Variants in ARHGAP35 observed in about 807,000 individuals in gnomAD.
ARHGAP35 encodes the protein rho GTPase-activating protein 35.
In ARHGAP35, 15 loss-of-function variants were observed where a neutral mutation model predicts 111.1. The ratio of observed to expected loss-of-function variants is 0.13; its 90% CI spans 0.09 to 0.21. The LOEUF (loss-of-function observed/expected upper bound fraction) is 0.21. Ranked by LOEUF, ARHGAP35 falls within the 10% of genes least tolerant of loss-of-function variation. The pLI, the probability that ARHGAP35 is intolerant of heterozygous loss-of-function variation, is 1.00. For missense variants in ARHGAP35, 1,262 were observed against 1,873.0 expected (o/e 0.67, Z 6.02); for synonymous variants, 643 against 710.3 (o/e 0.91, Z 1.51).
At chr19:46,950,650 T>G (rs2056406782) in intron 3 of ARHGAP35, among the ~76,000 whole-genome samples, 1 of 152,192 alleles carries the variant, frequency 6.6e-6, no homozygotes, top group Non-Finnish European at 1.5e-5. Context: ...AGGGTGAGTG[T>G]GGGTTCCCCA....
intron 1 of ARHGAP35, among the ~76,000 whole-genome samples, chr19:46,913,342 A>G (rs1053350430): frequency 6.6e-6 from 1 of 151,774 alleles, no homozygotes; most frequent in Non-Finnish European, 1.5e-5. Flanking sequence ...GACAGTATGA[A>G]CTTTCCCAGT....
At chr19:46,940,489 C>T (rs1304241780) in intron 3 of ARHGAP35, among the ~76,000 whole-genome samples, 1 of 151,860 alleles carries the variant, frequency 6.6e-6, no homozygotes. Context: ...GATCACGCCA[C>T]TGCACTCCAG....
intron 3 of ARHGAP35, among the ~76,000 whole-genome samples, chr19:46,962,148 C>T (rs963290543): frequency 5.9e-5 from 9 of 152,126 alleles, no homozygotes; most frequent in South Asian, 4.1e-4. Flanking sequence ...AATCCATCAC[C>T]GTACACTTCT....
At chr19:46,961,974 GAGAA>G (rs1229202646) in intron 3 of ARHGAP35, among the ~76,000 whole-genome samples, 2 of 151,736 alleles carry the variant, frequency 1.3e-5, no homozygotes, top group East Asian at 3.9e-4. Context: ...AAGAGAAAGA[GAGAA>G]AGGAAGGAAG....
At chr19:46,904,734 G>C (rs879705962) in intron 1 of ARHGAP35, among the ~76,000 whole-genome samples, 2 of 152,184 alleles carry the variant, frequency 1.3e-5, no homozygotes, top group Admixed American at 1.3e-4. Context: ...CAGAGGTGGC[G>C]GGGGAGAGGG....
In ARHGAP35 at chr19:46,986,013, G is replaced by A. The variant is rs1316479762; in HGVS notation, c.3827-1976G>A. On this transcript the variant is annotated intron_variant, in intron 3 of 6. Coordinates refer to ENST00000672722, the MANE Select transcript of ARHGAP35 (RefSeq NM_004491.5). The surrounding 1 kb of genome is among the most constrained non-coding windows in gnomAD (Gnocchi z 4.3). ...GGAAGCCTGACTGACTCCAGGGCCC[G>A]GTGCTCTCTACTGTCGGCACTGTTT... Among the ~76,000 whole-genome samples the A allele has an allele frequency of 2.6e-5, 4 of 152,118 alleles. No individual in the cohort carries two copies. The highest frequency in any genetic ancestry group is 4.4e-5 in the Non-Finnish European group (3 of 68,030).
chr19:46,910,219 C>A (rs1454612092), intron 1 of ARHGAP35, among the ~76,000 whole-genome samples: 1 of 152,076 alleles, frequency 6.6e-6, no homozygotes, highest in Non-Finnish European at 1.5e-5. Context: ...CTCAAGCGAT[C>A]CTCCTGCCTC....
rs540506292 is a variant in ARHGAP35 at position 46,926,056 on chromosome 19, C to T, written c.3681+3700C>T. 2.6e-5 allele frequency among the ~76,000 whole-genome samples: 4 copies of T among 152,312 alleles called. No homozygotes were observed. In the East Asian group the frequency reaches 7.7e-4, roughly 29 times the overall value. On this transcript the variant is annotated intron_variant, in intron 2 of 6. Transcript: ENST00000672722. This position sits in a 1 kb window ranked among gnomAD's most constrained non-coding sequence, Gnocchi z 4.1. ...TTGGAAGTTTTAACCTCATGCATTA[C>T]TGAGCTGCTTTCTTGGTACTTACCC... is the stretch of plus-strand genomic sequence containing the variant.
rs772278775 is a variant in ARHGAP35, at chr19:46,920,901, C to T, written c.2226C>T (p.Tyr742=). The part of the protein sequence containing the change: ...FLDPASAGIG[Y]GRNINEKQIS... ...ACCCTGCTTCTGCTGGCATTGGTTACGGACGCAACATTAATGAAAAGCAAA... is the reference window on the plus strand; with the variant it reads ...ACCCTGCTTCTGCTGGCATTGGTTATGGACGCAACATTAATGAAAAGCAAA... The change falls in exon 2 of 7, where the codon TAC becomes TAT. Residue 742 remains tyrosine, a synonymous_variant. Coordinates refer to ENST00000672722, the MANE Select transcript of ARHGAP35 (RefSeq NM_004491.5). The surrounding 1 kb of genome is among the most constrained non-coding windows in gnomAD (Gnocchi z 7.0). 1.1e-5 allele frequency: 18 copies of T among 1,613,744 alleles called. No individual in the cohort carries two copies. The highest frequency in any genetic ancestry group is 1.1e-4 in the East Asian group (5 of 44,888).
intron 3 of ARHGAP35, among the ~76,000 whole-genome samples, chr19:46,950,045 C>G (rs1397368863): frequency 6.6e-6 from 1 of 152,210 alleles, no homozygotes; most frequent in African/African-American, 2.4e-5. Context: ...ACGGCCACCC[C>G]CAAAGGCCCC....
intron 1 of ARHGAP35, among the ~76,000 whole-genome samples, chr19:46,863,827 C>A (rs1032817539): frequency 1.3e-5 from 2 of 152,172 alleles, no homozygotes; most frequent in African/African-American, 4.8e-5. Context: ...TGCAGTGTGA[C>A]CTTGTGGGAG....
At chr19:46,876,758 C>T (rs547440269) in intron 1 of ARHGAP35, among the ~76,000 whole-genome samples, 49 of 152,262 alleles carry the variant, frequency 3.2e-4, no homozygotes, top group African/African-American at 1.2e-3. Flanking sequence ...CCTTTTCAGC[C>T]TCCCAAAGTG....
chr19:46,975,603 C>A (rs2122303980), intron 3 of ARHGAP35, among the ~76,000 whole-genome samples: 1 of 151,200 alleles, frequency 6.6e-6, no homozygotes, highest in East Asian at 1.9e-4. Context: ...AAACAGAAAT[C>A]CCCAAGTCCT....
rs943655710 is a variant in ARHGAP35 at position 46,921,444 on chromosome 19, C to T, written c.2769C>T (p.Pro923=). 7.4e-6 allele frequency: 12 copies of T among 1,613,822 alleles called. No individual in the cohort carries two copies. In the African/African-American group the frequency reaches 1.6e-4, roughly 22 times the overall value. The part of the protein sequence containing the change: ...QEIDGRFTSI[P]CSQPQHKLEI... ...TTGACGGAAGGTTCACAAGCATCCCCTGTAGCCAACCCCAGCATAAACTTG... is the reference window on the plus strand; with the variant it reads ...TTGACGGAAGGTTCACAAGCATCCCTTGTAGCCAACCCCAGCATAAACTTG... Residue 923 remains proline (P), a synonymous_variant, in exon 2 of 7, where the codon CCC becomes CCT. Transcript: ENST00000672722. This position sits in a 1 kb window ranked among gnomAD's most constrained non-coding sequence, Gnocchi z 4.3.
chr19:46,920,722 G>C lies in ARHGAP35; in HGVS notation c.2047G>C (p.Glu683Gln). 1 of 1,613,668 alleles carries C rather than the reference G, an allele frequency of 6.2e-7. No homozygotes were observed. The highest frequency in any genetic ancestry group is 8.5e-7 in the Non-Finnish European group (1 of 1,179,760). The change falls in exon 2 of 7, where the codon GAG becomes CAG. Residue 683 changes from glutamate (E) to glutamine (Q), a missense_variant. Glu to Gln is a conservative substitution (Grantham distance 29, BLOSUM62 2). Coordinates refer to ENST00000672722, the MANE Select transcript of ARHGAP35 (RefSeq NM_004491.5). This position sits in a 1 kb window ranked among gnomAD's most constrained non-coding sequence, Gnocchi z 7.0. ...AGTGGAAAGTATAGAGAAGAGTAGA[G>C]AGTCCACGCTGGGCCGGCGGGATAA... Reference protein sequence around the residue: ...YVVESIEKSRESTLGRRDNHL... With the variant: ...YVVESIEKSRQSTLGRRDNHL...
rs371281716 is a variant in ARHGAP35 at position 46,932,998 on chromosome 19, G to A, written c.3682-4266G>A. 1.4e-3 allele frequency among the ~76,000 whole-genome samples: 214 copies of A among 152,220 alleles called. 1 individual carries two copies. The highest frequency in any genetic ancestry group is 4.9e-3 in the African/African-American group (204 of 41,522). On this transcript the variant is annotated intron_variant, in intron 2 of 6. Transcript: ENST00000672722. ...TCTATAGTCAATAGGTAGCTCTATA[G>A]CTATTTGAAAATAGCTATCAGAGTG...
At chr19:46,887,842 G>A (rs781668702) in intron 1 of ARHGAP35, among the ~76,000 whole-genome samples, 2 of 152,046 alleles carry the variant, frequency 1.3e-5, no homozygotes, top group Admixed American at 6.6e-5. Flanking sequence ...TAGGTCTCTG[G>A]CTTAGATTTT....
intron 3 of ARHGAP35, among the ~76,000 whole-genome samples, chr19:46,940,734 C>G (rs575430622): frequency 1.3e-5 from 2 of 151,874 alleles, no homozygotes; most frequent in African/African-American, 4.8e-5. Flanking sequence ...GCATTACAGG[C>G]GTGAGCCACT....
At chr19:46,891,671 C>T (rs893374016) in intron 1 of ARHGAP35, among the ~76,000 whole-genome samples, 3 of 152,020 alleles carry the variant, frequency 2.0e-5, no homozygotes, top group Non-Finnish European at 2.9e-5. Flanking sequence ...GTGATCTGCC[C>T]GCCTGAGCCT....
Sources: gnomAD v4.1 joint callset for allele counts (sites outside exome capture counted in the v4.1 genomes callset) on GRCh38, gnomAD v4.1.1 for gene constraint, Gnocchi (gnomAD v3.1) non-coding constraint, MANE v1.5 for transcripts, NCBI Gene and HGNC (gene_info 2026-07-23, HGNC 2026-07-21) for gene names.